Variants in KIF26A observed in about 807,000 individuals in gnomAD.
KIF26A encodes the protein kinesin family member 26A.
In KIF26A, 74 loss-of-function variants were observed where a neutral mutation model predicts 126.0. The observed-to-expected ratio is 0.59, with a 90% CI of 0.49 to 0.71. KIF26A has a LOEUF of 0.71. Among genes scored for constraint, KIF26A ranks in the 30% least tolerant of loss-of-function variants. The pLI is 0.00. For synonymous variants in KIF26A, 1,445 were observed against 1,232.7 expected, an observed-to-expected ratio of 1.17 and a Z score of -3.61; for missense variants, 2,984 against 2,763.3, an observed-to-expected ratio of 1.08 and a Z score of -1.79.
Position 104,177,232 on chromosome 14 carries a change from A to G in KIF26A, c.4444A>G (p.Ser1482Gly), listed in dbSNP as rs1304333307. The G allele has an allele frequency of 6.3e-7, 1 of 1,596,722 alleles. No individual in the cohort carries two copies. The highest frequency in any genetic ancestry group is 8.5e-7 in the Non-Finnish European group (1 of 1,175,922). Residue 1482 changes from serine to glycine, a missense_variant, in exon 12 of 15, where the codon AGC becomes GGC. Physicochemically the swap from Ser to Gly is moderately conservative, Grantham distance 56. Transcript: ENST00000423312. ...PTHGPAPACR[S>G]GAAKAVGAPK... is the part of the protein sequence containing the mutation. Reference sequence around the variant, plus strand: ...ACACGGTCCAGCTCCCGCCTGTAGGAGCGGCGCAGCCAAGGCTGTGGGGGC... The same window carrying G: ...ACACGGTCCAGCTCCCGCCTGTAGGGGCGGCGCAGCCAAGGCTGTGGGGGC...
At position 104,174,237 on chromosome 14, in the gene KIF26A, C is replaced by T; in HGVS notation, c.2120C>T (p.Ala707Val). 6.3e-7 allele frequency: 1 copy of T among 1,579,252 alleles called. No homozygotes were observed. Among genetic ancestry groups the T allele is most frequent in the Non-Finnish European group, 8.6e-7 (1 of 1,164,238 alleles). ...TMIAHVSDAP[A>V]QHAETLSTVQ... is the part of the protein sequence containing the mutation. ...ATCGCCCACGTGTCGGATGCGCCAG[C>T]CCAGCACGCAGAGACACTCAGCACC... Residue 707 changes from alanine (A) to valine (V), a missense_variant, in exon 11 of 15, where the codon GCC (alanine) becomes GTC (valine). Transcript: ENST00000423312.
intron 4 of KIF26A, among the ~76,000 whole-genome samples, chr14:104,166,183 G>GA (rs112128843): frequency 6.9e-6 from 1 of 145,982 alleles, no homozygotes; most frequent in Non-Finnish European, 1.5e-5. Flanking sequence ...GGGTGGCAGG[G>GA]GCCCAGGAGC....
chr14:104,145,724 C>A (rs181499975), intron 2 of KIF26A, among the ~76,000 whole-genome samples: 2 of 152,212 alleles, frequency 1.3e-5, no homozygotes, highest in African/African-American at 4.8e-5. Flanking sequence ...GGCTGTAGCC[C>A]GGCTCTGCCC....
chr14:104,154,590 C>T (rs1189338788), intron 3 of KIF26A, among the ~76,000 whole-genome samples: 1 of 152,242 alleles, frequency 6.6e-6, no homozygotes, highest in Admixed American at 6.5e-5. Flanking sequence ...TGGCCCTGTG[C>T]CTGTGCCCCA....
intron 2 of KIF26A, among the ~76,000 whole-genome samples, chr14:104,145,046 C>T (rs1048000252): frequency 2.6e-5 from 4 of 152,234 alleles, no homozygotes; most frequent in Admixed American, 6.5e-5. Flanking sequence ...TCTGCACCCA[C>T]GCTGCTCCCT....
intron 5 of KIF26A, 132 bp downstream of exon 5, chr14:104,167,180 C>A: frequency 1.0e-6 from 1 of 988,268 alleles, no homozygotes; most frequent in Non-Finnish European, 1.4e-6. Flanking sequence ...AGTGGGGTGC[C>A]ATGGGGAGAC....
At chr14:104,159,276 C>G (rs1018785667) in intron 4 of KIF26A, among the ~76,000 whole-genome samples, 1 of 152,234 alleles carries the variant, frequency 6.6e-6, no homozygotes, top group African/African-American at 2.4e-5. Context: ...CCGTCACAAC[C>G]GGCCTAGTCC....
chr14:104,159,475 T>G (rs1007229465), intron 4 of KIF26A, among the ~76,000 whole-genome samples: 1 of 152,090 alleles, frequency 6.6e-6, no homozygotes, highest in African/African-American at 2.4e-5. Flanking sequence ...CACTGGGAAG[T>G]AAGGGTAGGG....
At chr14:104,158,057 G>A (rs1033451914) in intron 4 of KIF26A, 115 bp downstream of exon 4, 34 of 1,022,494 alleles carry the variant, frequency 3.3e-5, no homozygotes, top group Non-Finnish European at 3.8e-5. Context: ...TTGCTGCTGA[G>A]ACGAGTGGAT....
At chr14:104,172,134 C>CCGAG (rs2037964748) in intron 6 of KIF26A, among the ~76,000 whole-genome samples, 199 bp downstream of exon 6, 1 of 152,250 alleles carries the variant, frequency 6.6e-6, no homozygotes, top group Admixed American at 6.5e-5. Flanking sequence ...TCCGCCCCTG[C>CCGAG]CGAGGCTCTG....
rs372336742 is a variant in KIF26A, at chr14:104,177,313, C to T, written c.4525C>T (p.Arg1509Trp). 9.8e-5 allele frequency: 152 copies of T among 1,546,628 alleles called. No homozygotes were observed. Among genetic ancestry groups the T allele is most frequent in the East Asian group, 2.2e-4 (9 of 41,720 alleles). ...KGRGLVAGGS[R>W]ALGPSVKLST... is the part of the protein sequence containing the mutation. ...CCGTGGCCTAGTGGCTGGTGGGTCG[C>T]GGGCTCTGGGGCCTTCGGTGAAGCT... Residue 1509 changes from arginine to tryptophan, a missense_variant, in exon 12 of 15, where the codon CGG becomes TGG. By Grantham distance (101) the Arg-to-Trp change is moderately radical. Coordinates refer to ENST00000423312, the MANE Select transcript of KIF26A (RefSeq NM_015656.2).
chr14:104,178,232 C>T (rs745596209), intron 12 of KIF26A, among the ~76,000 whole-genome samples: 82 of 152,190 alleles, frequency 5.4e-4, no homozygotes, highest in Non-Finnish European at 9.7e-4. Flanking sequence ...GTTTGGGTCC[C>T]GGGCCTCGTG....
chr14:104,170,369 C>A (rs2037945210), intron 5 of KIF26A, among the ~76,000 whole-genome samples: 1 of 152,242 alleles, frequency 6.6e-6, no homozygotes, highest in African/African-American at 2.4e-5. Context: ...AGTGTTTCTT[C>A]ATGCTGCTCC....
At chr14:104,165,693 G>A (rs977081018) in intron 4 of KIF26A, among the ~76,000 whole-genome samples, 7 of 151,080 alleles carry the variant, frequency 4.6e-5, no homozygotes, top group South Asian at 2.1e-4. Flanking sequence ...GTGTGACTGT[G>A]TGTCTCTGTC....
intron 3 of KIF26A, among the ~76,000 whole-genome samples, chr14:104,153,159 G>A (rs942341977): frequency 6.6e-6 from 1 of 152,142 alleles, no homozygotes. Context: ...TTGCCTTCTG[G>A]GCTTTCGGCC....
Position 104,171,888 on chromosome 14 carries a change from C to T in KIF26A, c.1279C>T (p.Pro427Ser), listed in dbSNP as rs758610431. Residue 427 changes from proline (P) to serine (S), a missense_variant, in exon 6 of 15, where the codon CCC becomes TCC. Pro to Ser is a moderately conservative substitution (Grantham distance 74, BLOSUM62 -1). Coordinates refer to ENST00000423312, the MANE Select transcript of KIF26A (RefSeq NM_015656.2). ...CCGGCGAGCCGCCACTGCTGCAGTTCCCAAGATGTTTGCCTTCGATGCCGT... is the reference window on the plus strand; with the variant it reads ...CCGGCGAGCCGCCACTGCTGCAGTTTCCAAGATGTTTGCCTTCGATGCCGT... ...GPRRAATAAVPKMFAFDAVFP... is the reference protein window; with the variant it reads ...GPRRAATAAVSKMFAFDAVFP... 1 of 1,559,750 alleles carries T rather than the reference C, an allele frequency of 6.4e-7. No homozygotes were observed. The highest frequency in any genetic ancestry group is 1.2e-5 in the South Asian group (1 of 84,446).
rs1188973680 is a variant in KIF26A at position 104,148,560 on chromosome 14, G to A, written c.289-3455G>A. 6.6e-6 allele frequency among the ~76,000 whole-genome samples: 1 copy of A among 151,788 alleles called. No homozygotes were observed. Among genetic ancestry groups the A allele is most frequent in the Non-Finnish European group, 1.5e-5 (1 of 67,966 alleles). On this transcript the variant is annotated intron_variant, in intron 2 of 14. Coordinates refer to ENST00000423312, the MANE Select transcript of KIF26A (RefSeq NM_015656.2). This position sits in a 1 kb window ranked among gnomAD's most constrained non-coding sequence, Gnocchi z 4.3. ...AGCTGCCGGGATGGCTGGGAGAGGA[G>A]GCCTGGTCCCACTGCCCAGCCTGTG...
chr14:104,164,981 G>C (rs1283996375), intron 4 of KIF26A, among the ~76,000 whole-genome samples: 1 of 151,792 alleles, frequency 6.6e-6, no homozygotes, highest in Non-Finnish European at 1.5e-5. Flanking sequence ...GTGCGTCTCT[G>C]TGTGTGTTTC....
intron 4 of KIF26A, among the ~76,000 whole-genome samples, chr14:104,165,237 GTC>G (rs1467440221): frequency 4.0e-5 from 6 of 151,674 alleles, no homozygotes; most frequent in Non-Finnish European, 7.4e-5. Flanking sequence ...GTGCATGTGT[GTC>G]TCTGTCTCCA....
Sources: allele counts gnomAD v4.1 joint callset (sites outside exome capture counted in the v4.1 genomes callset), GRCh38; gene constraint gnomAD v4.1.1; non-coding constraint Gnocchi (gnomAD v3.1); transcripts MANE v1.5; gene names NCBI Gene and HGNC (gene_info 2026-07-23, HGNC 2026-07-21).